Variants in DLG2 observed in about 807,000 individuals in gnomAD.
DLG2 encodes the protein disks large homolog 2.
DLG2 carries 45 observed loss-of-function variants against 132.5 expected under a neutral mutation model. That is an observed-to-expected ratio of 0.34 (90% confidence interval 0.27 to 0.44). The LOEUF is 0.44. Among genes scored for constraint, DLG2 ranks in the 20% least tolerant of loss-of-function variants. The pLI, the probability that DLG2 is intolerant of heterozygous loss-of-function variation, is 1.00. For synonymous variants in DLG2, 424 were observed against 419.6 expected (o/e 1.01, Z -0.13); for missense variants, 1,045 against 1,196.9 (o/e 0.87, Z 1.87).
chr11:84,684,071 A>G (rs1248134665), intron 6 of DLG2, among the ~76,000 whole-genome samples: 2 of 152,182 alleles, frequency 1.3e-5, no homozygotes, highest in East Asian at 1.9e-4. Flanking sequence ...TGAATAAAAA[A>G]TGTCCTGGAA....
At chr11:84,952,007 C>T (rs1489345948) in intron 6 of DLG2, among the ~76,000 whole-genome samples, 1 of 152,132 alleles carries the variant, frequency 6.6e-6, no homozygotes, top group Non-Finnish European at 1.5e-5. Context: ...AAATTTTCTC[C>T]AGAGTGGTCC....
chr11:83,639,790 A>T (rs958557872), intron 18 of DLG2, among the ~76,000 whole-genome samples: 24 of 61,062 alleles, frequency 3.9e-4, no homozygotes, highest in Non-Finnish European at 6.5e-4. Flanking sequence ...GAGTAAAATT[A>T]AAAAAAAAAA....
At chr11:84,211,289 AC>A (rs1298379405) in intron 8 of DLG2, among the ~76,000 whole-genome samples, 1 of 152,194 alleles carries the variant, frequency 6.6e-6, no homozygotes, top group Non-Finnish European at 1.5e-5. Flanking sequence ...GCAAATGATA[AC>A]CCACTTCAGC....
chr11:83,507,094 A>G (rs2094743512), intron 21 of DLG2, among the ~76,000 whole-genome samples: 1 of 152,134 alleles, frequency 6.6e-6, no homozygotes, highest in Non-Finnish European at 1.5e-5. Flanking sequence ...GGTTCTCCAC[A>G]TATGGTCAAA....
At chr11:84,782,439 CA>C (rs398115578) in intron 6 of DLG2, among the ~76,000 whole-genome samples, 34 of 50,926 alleles carry the variant, frequency 6.7e-4, no homozygotes, top group African/African-American at 3.3e-3. Flanking sequence ...CTACCCCTAC[CA>C]CACACACACA....
At chr11:84,758,506 C>A (rs1488717168) in intron 6 of DLG2, among the ~76,000 whole-genome samples, 1 of 152,084 alleles carries the variant, frequency 6.6e-6, no homozygotes, top group Admixed American at 6.6e-5. Flanking sequence ...TGAACTGATT[C>A]CTTTATATTT....
intron 21 of DLG2, among the ~76,000 whole-genome samples, chr11:83,520,639 G>GATAGATAGA (rs2095443498): frequency 2.0e-4 from 29 of 148,068 alleles, no homozygotes; most frequent in East Asian, 8.1e-4. Flanking sequence ...AGGTAGGTAG[G>GATAGATAGA]TAGATAGATA....
Position 84,678,186 on chromosome 11 carries a change from TCTTCCTTTCTCTC to T in DLG2, c.358-143468_358-143456del, listed in dbSNP as rs2099719323. The stretch of plus-strand genomic sequence containing the variant: ...ACCTAGGCCTCCATAGCTGCTTTTC[TCTTCCTTTCTCTC>T]AGACTATGGACAATGCCATCTGTTC... On this transcript the variant is annotated intron_variant, in intron 6 of 27. Transcript: ENST00000376104. Among the ~76,000 whole-genome samples, 2 of 152,200 alleles carry T rather than the reference TCTTCCTTTCTCTC, an allele frequency of 1.3e-5. 1 individual carries two copies. The highest frequency in any genetic ancestry group is 3.9e-4 in the East Asian group (2 of 5,160).
intron 6 of DLG2, among the ~76,000 whole-genome samples, chr11:84,988,489 T>C (rs2056743931): frequency 6.6e-6 from 1 of 152,172 alleles, no homozygotes; most frequent in Non-Finnish European, 1.5e-5. Context: ...AATGAGTGCC[T>C]AAAGAAACTG....
intron 7 of DLG2, among the ~76,000 whole-genome samples, chr11:84,530,131 CAA>C (rs1188177896): frequency 1.3e-5 from 2 of 151,946 alleles, no homozygotes; most frequent in Admixed American, 1.3e-4. Context: ...ATACCACGTA[CAA>C]AAAAATCAAC....
intron 5 of DLG2, among the ~76,000 whole-genome samples, chr11:85,145,911 G>T (rs1261213756): frequency 2.0e-5 from 3 of 152,030 alleles, no homozygotes; most frequent in Non-Finnish European, 4.4e-5. Flanking sequence ...TAATATCTGG[G>T]TATTTAGAAG....
At chr11:83,862,081 C>A (rs2061547253) in intron 16 of DLG2, among the ~76,000 whole-genome samples, 1 of 152,082 alleles carries the variant, frequency 6.6e-6, no homozygotes, top group Non-Finnish European at 1.5e-5. Flanking sequence ...TCAGCAATCC[C>A]ACTACTAGGT....
chr11:85,094,694 T>C (rs1021167569), intron 6 of DLG2, among the ~76,000 whole-genome samples: 11 of 152,362 alleles, frequency 7.2e-5, no homozygotes, highest in Non-Finnish European at 1.6e-4. Context: ...GTTGTGGCTG[T>C]TTTGATCTAT....
chr11:84,784,068 C>T (rs968125824), intron 6 of DLG2, among the ~76,000 whole-genome samples: 4 of 124,770 alleles, frequency 3.2e-5, no homozygotes, highest in Middle Eastern at 5.2e-3. Context: ...GAGGCTGAGG[C>T]GGGTGGATCG....
At chr11:84,759,383 G>A (rs1349785866) in intron 6 of DLG2, among the ~76,000 whole-genome samples, 1 of 152,116 alleles carries the variant, frequency 6.6e-6, no homozygotes, top group African/African-American at 2.4e-5. Flanking sequence ...TACCTGCACT[G>A]GAACTGTTAG....
At chr11:85,120,210 A>G (rs898293856) in intron 5 of DLG2, among the ~76,000 whole-genome samples, 12 of 152,200 alleles carry the variant, frequency 7.9e-5, no homozygotes, top group African/African-American at 2.2e-4. Flanking sequence ...CCTGACACCT[A>G]TGAATATGTA....
intron 19 of DLG2, among the ~76,000 whole-genome samples, chr11:83,547,139 T>C (rs969183539): frequency 6.6e-6 from 1 of 152,150 alleles, no homozygotes; most frequent in African/African-American, 2.4e-5. Flanking sequence ...CCAGGGAATT[T>C]AGTTTTGGCT....
At chr11:85,606,752 C>G (rs1002814928) in intron 2 of DLG2, among the ~76,000 whole-genome samples, 2 of 152,160 alleles carry the variant, frequency 1.3e-5, no homozygotes, top group Non-Finnish European at 2.9e-5. Flanking sequence ...AGCTTCACTC[C>G]TGAAGTCAGC....
At chr11:84,213,230 T>C (rs1289443938) in intron 8 of DLG2, among the ~76,000 whole-genome samples, 1 of 152,138 alleles carries the variant, frequency 6.6e-6, no homozygotes, top group Non-Finnish European at 1.5e-5. Flanking sequence ...CATCTAACCT[T>C]CCATACCCTT....
Sources: allele counts gnomAD v4.1 joint callset (sites outside exome capture counted in the v4.1 genomes callset), GRCh38; gene constraint gnomAD v4.1.1; transcripts MANE v1.5; gene names NCBI Gene and HGNC (gene_info 2026-07-23, HGNC 2026-07-21).